Variants in CACNA1E observed in about 807,000 individuals in gnomAD.
CACNA1E encodes the protein voltage-dependent R-type calcium channel subunit alpha-1E.
CACNA1E carries 40 observed loss-of-function variants against 259.2 expected under a neutral mutation model. The observed-to-expected ratio is 0.15, with a 90% confidence interval of 0.12 to 0.20. The LOEUF (loss-of-function observed/expected upper bound fraction) is 0.20. Among genes scored for constraint, CACNA1E ranks in the 10% least tolerant of loss-of-function variants. CACNA1E has a pLI of 1.00. For synonymous variants in CACNA1E, 1,104 were observed against 1,138.5 expected (o/e 0.97, Z 0.61); for missense variants, 1,874 against 3,040.1 (o/e 0.62, Z 9.02).
intron 7 of CACNA1E, among the ~76,000 whole-genome samples, chr1:181,700,632 C>A (rs1457828870): frequency 1.3e-5 from 2 of 152,098 alleles, no homozygotes; most frequent in Admixed American, 1.3e-4. Flanking sequence ...ATGGGTAAGT[C>A]AAGTTGCTGT....
At chr1:181,472,479 T>C (rs375081043) in intron 2 of CACNA1E, among the ~76,000 whole-genome samples, 26 of 152,366 alleles carry the variant, frequency 1.7e-4, no homozygotes, top group African/African-American at 6.0e-4. Flanking sequence ...TAACATCCTG[T>C]TGTAAATCTC....
intron 7 of CACNA1E, among the ~76,000 whole-genome samples, chr1:181,667,687 A>C (rs1418713442): frequency 5.3e-5 from 8 of 152,318 alleles, no homozygotes; most frequent in African/African-American, 1.9e-4. Context: ...ATTTTCAAAA[A>C]GACATACCAG....
intron 2 of CACNA1E, among the ~76,000 whole-genome samples, chr1:181,471,042 C>T (rs570240400): frequency 2.0e-5 from 3 of 152,174 alleles, no homozygotes; most frequent in Non-Finnish European, 4.4e-5. Flanking sequence ...GTCGAGGACA[C>T]GGTCTCTGCT....
In CACNA1E at chr1:181,795,004, C is replaced by G. The variant is rs767251465; in HGVS notation, c.6168C>G (p.Ser2056=). The change falls in exon 46 of 48, where the codon TCC becomes TCG. Residue 2056 remains serine, a synonymous_variant. Coordinates refer to ENST00000367573, the MANE Select transcript of CACNA1E (RefSeq NM_001205293.3). ...TYKSRRRSYH[S]SLRLSAHRLN... The stretch of plus-strand genomic sequence containing the variant: ...AGTCCCGTCGCCGGAGTTACCACTC[C>G]TCCTTGCGGCTGTCAGCCCACCGCC... The G allele has an allele frequency of 2.5e-6, 4 of 1,614,012 alleles. No individual in the cohort carries two copies. The highest frequency in any genetic ancestry group is 3.4e-6 in the Non-Finnish European group (4 of 1,179,890).
rs1005058441 is a variant in CACNA1E, at chr1:181,737,520, C to G, written c.3423-5C>G. Reference sequence around the variant, plus strand: ...GGCCAGCTCAGCCATGCCCACTGCCCGCAGGATCCGGAGGGCCTGCCACTA... The same window carrying G: ...GGCCAGCTCAGCCATGCCCACTGCCGGCAGGATCCGGAGGGCCTGCCACTA... On this transcript the variant is annotated splice_region_variant and splice_polypyrimidine_tract_variant and intron_variant, in intron 22 of 47. Transcript: ENST00000367573. 1 of 1,613,496 alleles carries G rather than the reference C, an allele frequency of 6.2e-7. No homozygotes were observed.
intron 1 of CACNA1E, among the ~76,000 whole-genome samples, chr1:181,490,497 C>T (rs746249314): frequency 8.7e-5 from 13 of 149,100 alleles, no homozygotes; most frequent in African/African-American, 2.7e-4. Flanking sequence ...GCTCCAGCCA[C>T]GTGAGGCTTC....
At chr1:181,345,914 G>T (rs1652556525) in intron 1 of CACNA1E, among the ~76,000 whole-genome samples, 1 of 152,194 alleles carries the variant, frequency 6.6e-6, no homozygotes, top group Non-Finnish European at 1.5e-5. Flanking sequence ...AGGCACCGAG[G>T]GTGAGCTTCA....
At chr1:181,428,873 T>C (rs1290993148) in intron 2 of CACNA1E, among the ~76,000 whole-genome samples, 5 of 152,100 alleles carry the variant, frequency 3.3e-5, no homozygotes, top group African/African-American at 4.8e-5. Context: ...TCACATAGGG[T>C]TGCTCAAGAA....
In CACNA1E at chr1:181,736,260, G is replaced by A. The variant is rs11808627; in HGVS notation, c.3263-15G>A. 5.0e-3 allele frequency: 7,869 copies of A among 1,571,106 alleles called. 307 individuals are homozygous for A. The African/African-American group carries it at 0.09, about 18-fold the overall frequency. ...CCTCATGATTTCTGAAGATTTCAACGTGTTCCTCTTGCAGTTAGCAACAAG... is the reference window on the plus strand; with the variant it reads ...CCTCATGATTTCTGAAGATTTCAACATGTTCCTCTTGCAGTTAGCAACAAG... On this transcript the variant is annotated splice_polypyrimidine_tract_variant and intron_variant, in intron 21 of 47. Coordinates refer to ENST00000367573, the MANE Select transcript of CACNA1E (RefSeq NM_001205293.3).
intron 1 of CACNA1E, among the ~76,000 whole-genome samples, chr1:181,357,182 C>T (rs1188834253): frequency 1.3e-5 from 2 of 152,194 alleles, no homozygotes; most frequent in South Asian, 2.1e-4. Flanking sequence ...TTGGATCAGC[C>T]CCAGAGGCTC....
chr1:181,765,781 C>T (rs1415066995), intron 34 of CACNA1E, among the ~76,000 whole-genome samples: 1 of 152,162 alleles, frequency 6.6e-6, no homozygotes, highest in Non-Finnish European at 1.5e-5. Flanking sequence ...CACTCTGGCC[C>T]CAAATCCAAA....
At chr1:181,495,879 A>G (rs1252988182) in intron 1 of CACNA1E, among the ~76,000 whole-genome samples, 4 of 152,240 alleles carry the variant, frequency 2.6e-5, no homozygotes, top group Non-Finnish European at 5.9e-5. Context: ...GTGTCAGAAT[A>G]CTGTGCTAAG....
intron 1 of CACNA1E, among the ~76,000 whole-genome samples, chr1:181,363,768 G>T (rs764721784): frequency 3.0e-4 from 45 of 152,208 alleles, no homozygotes; most frequent in Non-Finnish European, 5.6e-4. Flanking sequence ...GCCCAATAAG[G>T]TTGCAGGTGC....
chr1:181,710,913 C>A, intron 7 of CACNA1E, 41 bp from the exon 8 acceptor site: 1 of 1,377,518 alleles, frequency 7.3e-7, no homozygotes, highest in Non-Finnish European at 1.0e-6. Context: ...TTAGTCATGG[C>A]CCTGTCCAAA....
At position 181,580,726 on chromosome 1, in the gene CACNA1E, A is replaced by G. The variant is rs2102980890; in HGVS notation, c.901A>G (p.Thr301Ala). ...TGATAACATCCTTTTTGCTGTGCTG[A>G]CTGTCTTCCAGTGCATCACCATGGA... ...QFDNILFAVLTVFQCITMEGW... is the reference protein window; with the variant it reads ...QFDNILFAVLAVFQCITMEGW... Residue 301 changes from threonine (T) to alanine (A), a missense_variant, in exon 6 of 48, where the codon ACT becomes GCT. Around this residue, in one of 14 missense-constraint regions of CACNA1E, gnomAD observed 13 missense variants for 66.9 expected, o/e 0.19. Transcript: ENST00000367573. 1.9e-6 allele frequency: 3 copies of G among 1,614,020 alleles called. No homozygotes were observed. Among genetic ancestry groups the G allele is most frequent in the Admixed American group, 1.7e-5 (1 of 60,026 alleles).
At chr1:181,459,714 G>A (rs1661682305) in intron 2 of CACNA1E, among the ~76,000 whole-genome samples, 1 of 152,130 alleles carries the variant, frequency 6.6e-6, no homozygotes, top group Non-Finnish European at 1.5e-5. Context: ...CCAACTCCAT[G>A]CATGTAAAAC....
At chr1:181,455,736 C>T (rs551803849) in intron 2 of CACNA1E, among the ~76,000 whole-genome samples, 2 of 152,132 alleles carry the variant, frequency 1.3e-5, no homozygotes, top group East Asian at 1.9e-4. Context: ...TTTTTTTCAT[C>T]CTTGACCATA....
At chr1:181,717,725 C>T (rs1654037012) in intron 11 of CACNA1E, among the ~76,000 whole-genome samples, 1 of 152,060 alleles carries the variant, frequency 6.6e-6, no homozygotes, top group East Asian at 1.9e-4. Flanking sequence ...GGGGCCTGTC[C>T]CTGCCAGGCA....
intron 7 of CACNA1E, among the ~76,000 whole-genome samples, chr1:181,691,625 A>G (rs190780012): frequency 2.6e-5 from 4 of 152,276 alleles, no homozygotes; most frequent in Non-Finnish European, 4.4e-5. Context: ...ACATTGCTTT[A>G]TAATAAAAAC....
Sources: allele counts gnomAD v4.1 joint callset (sites outside exome capture counted in the v4.1 genomes callset), GRCh38; gene constraint gnomAD v4.1.1; regional missense constraint gnomAD v4.1.1; transcripts MANE v1.5; gene names NCBI Gene and HGNC (gene_info 2026-07-23, HGNC 2026-07-21).